CREB1: variants seen among roughly 807,000 people sequenced by gnomAD.
CREB1 encodes cyclic AMP-responsive element-binding protein 1.
Under a neutral mutation model 42.0 loss-of-function variants are expected in CREB1, and 2 were observed. The observed-to-expected ratio is 0.05, with a 90% CI of 0.02 to 0.15. The LOEUF is 0.15. Among genes scored for constraint, CREB1 ranks in the 10% least tolerant of loss-of-function variants. CREB1 has a pLI of 1.00. For synonymous variants in CREB1, 123 were observed against 139.9 expected, an observed-to-expected ratio of 0.88 and a Z score of 0.85; for missense variants, 199 against 388.9, an observed-to-expected ratio of 0.51 and a Z score of 4.11.
chr2:207,604,055 C>T lies in CREB1; in HGVS notation c.*6997C>T, dbSNP rs2087614751. ...ACAGAATTTATTGCACAAAATGAGA[C>T]ATTTTGAGAGTGATATTAATTACAT... is the stretch of plus-strand genomic sequence containing the variant. On this transcript the variant is annotated 3_prime_UTR_variant, in exon 8 of 8. Transcript: ENST00000353267. Among the ~76,000 whole-genome samples, 1 of 152,134 alleles carries T rather than the reference C, an allele frequency of 6.6e-6. No homozygotes were observed. Among genetic ancestry groups the T allele is most frequent in the South Asian group, 2.1e-4 (1 of 4,824 alleles).
chr2:207,536,282 G>A (rs990603749), intron 1 of CREB1, among the ~76,000 whole-genome samples: 1 of 152,176 alleles, frequency 6.6e-6, no homozygotes, highest in Non-Finnish European at 1.5e-5. Context: ...GCCAGTCGCG[G>A]TGGCTGACGC....
intron 4 of CREB1, among the ~76,000 whole-genome samples, chr2:207,569,352 C>T (rs941667627): frequency 2.0e-5 from 3 of 152,092 alleles, no homozygotes. Context: ...TTCCTTATAT[C>T]GGGATTGTGC....
At chr2:207,551,012 T>G (rs1179665009) in intron 1 of CREB1, among the ~76,000 whole-genome samples, 1 of 152,234 alleles carries the variant, frequency 6.6e-6, no homozygotes, top group African/African-American at 2.4e-5. Context: ...TTCCTTGTTT[T>G]CTATGCAAAG....
Position 207,597,264 on chromosome 2 carries a change from A to C in CREB1, c.*206A>C. 2.1e-6 allele frequency: 1 copy of C among 477,702 alleles called. No individual in the cohort carries two copies. Among genetic ancestry groups the C allele is most frequent in the Non-Finnish European group, 3.5e-6 (1 of 283,674 alleles). 29.6% of individuals were successfully genotyped at this position (477,702 alleles called of 1,614,324 possible). On this transcript the variant is annotated 3_prime_UTR_variant, in exon 8 of 8. Transcript: ENST00000353267. ...ACCTGCCTCCACTTCTCCCCTCAAG[A>C]AATTTTCAACGCCAGGAATCATGAA...
Position 207,543,277 on chromosome 2 carries a change from C to T in CREB1, c.-8-12351C>T, listed in dbSNP as rs951692895. ...TTGGTTGAATCCACAGATGCTGAAT[C>T]TTTGGATACAGAGGCCCAGTTGTAA... On this transcript the variant is annotated intron_variant, in intron 1 of 7. Transcript: ENST00000353267. Among the ~76,000 whole-genome samples, 69 of 152,074 alleles carry T rather than the reference C, an allele frequency of 4.5e-4. 1 individual carries two copies. The highest frequency in any genetic ancestry group is 4.5e-3 in the Admixed American group (68 of 15,266).
intron 5 of CREB1, among the ~76,000 whole-genome samples, chr2:207,573,414 T>C (rs568478438): frequency 6.6e-6 from 1 of 152,332 alleles, no homozygotes; most frequent in South Asian, 2.1e-4. Context: ...GCTTTTGTTT[T>C]TAGAGAAGAG....
rs572134430 is a variant in CREB1 at position 207,592,671 on chromosome 2, A to G, written c.840-4243A>G. On this transcript the variant is annotated intron_variant, in intron 7 of 7. Coordinates refer to ENST00000353267, the MANE Select transcript of CREB1 (RefSeq NM_004379.5). Reference sequence around the variant, plus strand: ...TGCAGTGGCTCACGCATGTAATCCCAGCACTTTGGGAGACCAAGGCAGGCG... The same window carrying G: ...TGCAGTGGCTCACGCATGTAATCCCGGCACTTTGGGAGACCAAGGCAGGCG... Among the ~76,000 whole-genome samples the G allele has an allele frequency of 1.4e-4, 21 of 152,172 alleles. No homozygotes were observed. In the South Asian group the frequency reaches 4.4e-3, roughly 32 times the overall value.
At chr2:207,579,657 A>C (rs752073189) in intron 7 of CREB1, among the ~76,000 whole-genome samples, 59 of 152,182 alleles carry the variant, frequency 3.9e-4, no homozygotes, top group Non-Finnish European at 5.9e-4. Context: ...CTTTGCTTAG[A>C]TATAGTTACC....
At chr2:207,552,732 A>G (rs1054363141) in intron 1 of CREB1, among the ~76,000 whole-genome samples, 4 of 151,840 alleles carry the variant, frequency 2.6e-5, no homozygotes, top group Admixed American at 1.3e-4. Context: ...CAGCCTCCCA[A>G]ATATCCCAAG....
intron 2 of CREB1, among the ~76,000 whole-genome samples, chr2:207,558,939 G>A (rs550103235): frequency 2.0e-5 from 3 of 152,250 alleles, no homozygotes; most frequent in South Asian, 2.1e-4. Context: ...CACATTGCCC[G>A]GCCTAAAGTG....
chr2:207,538,316 C>A (rs1007930324), intron 1 of CREB1, among the ~76,000 whole-genome samples: 4 of 152,044 alleles, frequency 2.6e-5, no homozygotes, highest in African/African-American at 9.7e-5. Context: ...TAATTTAATA[C>A]GTGCATTATA....
At chr2:207,576,241 C>CTTTTTTTTTTTTTTTTTATTTT in intron 6 of CREB1, among the ~76,000 whole-genome samples, 1 of 101,082 alleles carries the variant, frequency 9.9e-6, no homozygotes, top group Non-Finnish European at 1.9e-5. Context: ...CTTTTTTTGG[C>CTTTTTTTTTTTTTTTTTATTTT]TTTTTTTTTT....
At chr2:207,549,956 C>T (rs1474636414) in intron 1 of CREB1, among the ~76,000 whole-genome samples, 2 of 148,864 alleles carry the variant, frequency 1.3e-5, no homozygotes, top group Non-Finnish European at 3.0e-5. Context: ...GGCGAAAGAG[C>T]GAGACTCCAT....
chr2:207,594,883 G>A (rs558876986), intron 7 of CREB1, among the ~76,000 whole-genome samples: 4 of 151,832 alleles, frequency 2.6e-5, no homozygotes, highest in Non-Finnish European at 5.9e-5. Context: ...TCAACAATGG[G>A]TATTTTCTGC....
Position 207,597,980 on chromosome 2 carries a change from C to T in CREB1, c.*922C>T, listed in dbSNP as rs79271892. The T allele has an allele frequency of 2.5e-3, 463 of 183,328 alleles. 6 individuals are homozygous for T. The Admixed American group carries it at 0.025, about 10-fold the overall frequency. The allele number at this position is 183,328 out of a possible 1,614,324, so 11.4% of individuals were successfully genotyped here. A position where few individuals can be genotyped will look rare whatever the true frequency, so the allele number is the denominator to read the frequency against. ...AAATATTTATATTGTCACTCATTTA[C>T]GTAAAAAGATATTTCTAATTTACTG... On this transcript the variant is annotated 3_prime_UTR_variant, in exon 8 of 8. Transcript: ENST00000353267.
chr2:207,549,571 A>AG (rs2081421194), intron 1 of CREB1, among the ~76,000 whole-genome samples: 1 of 152,238 alleles, frequency 6.6e-6, no homozygotes, highest in Non-Finnish European at 1.5e-5. Flanking sequence ...GAAGGATGTA[A>AG]GAATGTATCA....
Position 207,548,626 on chromosome 2 carries a change from C to T in CREB1, c.-8-7002C>T, listed in dbSNP as rs370423158. Among the ~76,000 whole-genome samples, 3 of 152,128 alleles carry T rather than the reference C, an allele frequency of 2.0e-5. No homozygotes were observed. The South Asian group carries it at 6.2e-4, about 32-fold the overall frequency. On this transcript the variant is annotated intron_variant, in intron 1 of 7. Transcript: ENST00000353267. ...ATTAGCCAGGTGTGGTGGTGCACAT[C>T]TGTAATCCCAGCTACTTGAGAGGCT...
intron 3 of CREB1, among the ~76,000 whole-genome samples, chr2:207,564,367 G>A (rs1275614613): frequency 2.0e-5 from 3 of 152,022 alleles, no homozygotes; most frequent in Non-Finnish European, 4.4e-5. Flanking sequence ...AATTAGCTGG[G>A]AGTGGTAGTG....
In CREB1 at chr2:207,602,807, G is replaced by C. The variant is rs1482844756; in HGVS notation, c.*5749G>C. 2 of 217,522 alleles carry C rather than the reference G, an allele frequency of 9.2e-6. No homozygotes were observed. The highest frequency in any genetic ancestry group is 1.8e-5 in the Non-Finnish European group (2 of 108,314). The allele number at this position is 217,522 out of a possible 1,614,324, so 13.5% of individuals were successfully genotyped here. A position where few individuals can be genotyped will look rare whatever the true frequency, so the allele number is the denominator to read the frequency against. ...TTTTTTTGAGTATAGATTTATTAGGGGTGGCAAAGAAGAGTGCTAGTTAGC... is the reference window on the plus strand; with the variant it reads ...TTTTTTTGAGTATAGATTTATTAGGCGTGGCAAAGAAGAGTGCTAGTTAGC... On this transcript the variant is annotated 3_prime_UTR_variant, in exon 8 of 8. Transcript: ENST00000353267.
Sources: gnomAD v4.1 joint callset for allele counts (sites outside exome capture counted in the v4.1 genomes callset) on GRCh38, gnomAD v4.1.1 for gene constraint, MANE v1.5 for transcripts, NCBI Gene and HGNC (gene_info 2026-07-23, HGNC 2026-07-21) for gene names.